Variants in DEPDC4 observed in about 807,000 individuals in gnomAD.
The protein encoded by DEPDC4 is DEP domain containing 4, also known as DEP domain-containing protein 4.
In DEPDC4, 52 loss-of-function variants were observed where a neutral mutation model predicts 52.0. The observed-to-expected ratio is 1.00, with a 90% CI of 0.80 to 1.26. The LOEUF is 1.26. Among genes scored for constraint, DEPDC4 ranks in the 50% most tolerant of loss-of-function variants. DEPDC4 has a pLI of 0.00. For synonymous variants in DEPDC4, 201 were observed against 196.8 expected (o/e 1.02, Z -0.18); for missense variants, 530 against 546.9 (o/e 0.97, Z 0.31).
chr12:100,261,286 T>C (rs2096252861), intron 3 of DEPDC4, among the ~76,000 whole-genome samples: 1 of 152,240 alleles, frequency 6.6e-6, no homozygotes, highest in South Asian at 2.1e-4. Flanking sequence ...TTAACTATTG[T>C]TGATAAATCA....
intron 8 of DEPDC4, among the ~76,000 whole-genome samples, chr12:100,244,871 T>A (rs1028825020): frequency 6.6e-6 from 1 of 151,082 alleles, no homozygotes; most frequent in African/African-American, 2.4e-5. Context: ...TATTTATTTA[T>A]TTATTTTATT....
chr12:100,257,975 TGATA>T (rs3054280), intron 3 of DEPDC4, among the ~76,000 whole-genome samples: 52,487 of 148,920 alleles, frequency 0.35, 9,507 homozygotes, highest in Middle Eastern at 0.43. Context: ...TAAAATGTAT[TGATA>T]GATAGATAGA....
the DEPDC4 span, among the ~76,000 whole-genome samples, chr12:100,279,969 C>T: frequency 6.6e-6 from 1 of 152,230 alleles, no homozygotes; most frequent in South Asian, 2.1e-4. Flanking sequence ...TCTACCTCCG[C>T]ATTCTTGAAT....
chr12:100,232,593 C>G (rs2096136272), intron 9 of DEPDC4, among the ~76,000 whole-genome samples: 1 of 151,640 alleles, frequency 6.6e-6, no homozygotes, highest in South Asian at 2.1e-4. Flanking sequence ...TTGAGAAACA[C>G]TGGCCTAAGG....
At chr12:100,234,010 G>T (rs1301032822) in intron 9 of DEPDC4, among the ~76,000 whole-genome samples, 1 of 152,138 alleles carries the variant, frequency 6.6e-6, no homozygotes, top group South Asian at 2.1e-4. Flanking sequence ...AGGAGGCTGA[G>T]GTGGGAGAAT....
At chr12:100,262,465 T>C in intron 2 of DEPDC4, 56 bp from the exon 3 acceptor site, 1 of 1,351,182 alleles carries the variant, frequency 7.4e-7, no homozygotes, top group Non-Finnish European at 9.8e-7. Flanking sequence ...AAATTTCAAA[T>C]ATATATTTAA....
At chr12:100,270,623 C>CTTTTTTTTTTTTTTT (rs559329533), upstream of DEPDC4, among the ~76,000 whole-genome samples, 2 of 125,690 alleles carry the variant, frequency 1.6e-5, no homozygotes, top group Non-Finnish European at 3.4e-5. Context: ...ATGTTGCTTT[C>CTTTTTTTTTTTTTTT]TTTTTTTTTT....
chr12:100,275,175 G>C, the DEPDC4 span, among the ~76,000 whole-genome samples: 1 of 151,776 alleles, frequency 6.6e-6, no homozygotes, highest in Admixed American at 6.6e-5. Flanking sequence ...AAATTTTCTA[G>C]TAGAAATACA....
upstream of DEPDC4, among the ~76,000 whole-genome samples, chr12:100,267,987 A>C (rs1228504257): frequency 6.6e-6 from 1 of 152,220 alleles, no homozygotes; most frequent in Non-Finnish European, 1.5e-5. Flanking sequence ...TTGTTTTTCT[A>C]AACGGGAGAA....
intron 2 of DEPDC4, among the ~76,000 whole-genome samples, chr12:100,262,730 A>G (rs2096258121): frequency 6.6e-6 from 1 of 152,222 alleles, no homozygotes; most frequent in Non-Finnish European, 1.5e-5. Flanking sequence ...TTTTCAAATT[A>G]GAAAGCATAT....
upstream of DEPDC4, among the ~76,000 whole-genome samples, chr12:100,271,260 C>CAAAAAAA (rs11354103): frequency 1.8e-4 from 15 of 83,306 alleles, no homozygotes; most frequent in African/African-American, 5.2e-4. Context: ...TGCAGAGCAG[C>CAAAAAAA]AAAAAAAAAA....
Position 100,263,604 on chromosome 12 carries a change from T to C in DEPDC4, c.447A>G (p.Glu149=), listed in dbSNP as rs1358299770. 6.2e-7 allele frequency: 1 copy of C among 1,614,132 alleles called. No homozygotes were observed. Among genetic ancestry groups the C allele is most frequent in the Non-Finnish European group, 8.5e-7 (1 of 1,180,008 alleles). ...KKLFKKEKEL[E]FEDSNISLYR... is the part of the protein sequence containing the mutation. ...AGAGACTAATGTTGGAATCTTCAAA[T>C]TCTAATTCCTTTTCTTTTTTGAAAA... is the stretch of plus-strand genomic sequence containing the variant. The change falls in exon 2 of 10, where the codon GAA becomes GAG. Residue 149 remains glutamate, a synonymous_variant. Transcript: ENST00000550587.
the DEPDC4 span, among the ~76,000 whole-genome samples, chr12:100,278,441 C>T: frequency 6.6e-6 from 1 of 152,016 alleles, no homozygotes; most frequent in African/African-American, 2.4e-5. Context: ...CTCAAGTGAT[C>T]CTCCCATCTC....
At chr12:100,236,137 G>C (rs1182470269), downstream of DEPDC4, among the ~76,000 whole-genome samples, 2 of 152,204 alleles carry the variant, frequency 1.3e-5, no homozygotes, top group African/African-American at 4.8e-5. Flanking sequence ...ATTGTGAATT[G>C]TGGTGCTATA....
At chr12:100,268,419 G>C (rs537513337), upstream of DEPDC4, among the ~76,000 whole-genome samples, 48 of 152,260 alleles carry the variant, frequency 3.2e-4, no homozygotes, top group African/African-American at 1.2e-3. Flanking sequence ...TTGGTTTGCT[G>C]TCTTATTCTT....
At chr12:100,244,852 T>G (rs1000061488) in intron 8 of DEPDC4, among the ~76,000 whole-genome samples, 9 of 150,574 alleles carry the variant, frequency 6.0e-5, no homozygotes, top group African/African-American at 2.2e-4. Flanking sequence ...CAACGTCCCA[T>G]GCTTATTTTA....
intron 8 of DEPDC4, among the ~76,000 whole-genome samples, chr12:100,246,123 GTTT>G (rs34475855): frequency 3.0e-5 from 4 of 135,422 alleles, no homozygotes; most frequent in African/African-American, 8.1e-5. Flanking sequence ...CTACGCCTGG[GTTT>G]TTTTTTTTTT....
Position 100,263,890 on chromosome 12 carries a change from C to A in DEPDC4, c.161G>T (p.Cys54Phe). The A allele has an allele frequency of 6.3e-7, 1 of 1,580,790 alleles. No homozygotes were observed. Among genetic ancestry groups the A allele is most frequent in the Non-Finnish European group, 8.6e-7 (1 of 1,165,494 alleles). ...DGFCRKRRTG[C>F]SGPFQATQLW... Reference sequence around the variant, plus strand: ...CTGAGTAGCTTGAAAAGGACCAGAGCATCCTGAAAAAAATTAAATATGCAT... The same window carrying A: ...CTGAGTAGCTTGAAAAGGACCAGAGAATCCTGAAAAAAATTAAATATGCAT... Residue 54 changes from cysteine to phenylalanine, a missense_variant, in exon 2 of 10, where the codon TGC becomes TTC. Cys to Phe is a radical substitution (Grantham distance 205, BLOSUM62 -2). Coordinates refer to ENST00000550587, the MANE Select transcript of DEPDC4 (RefSeq NM_001364818.2).
At chr12:100,271,308 A>ATCTT (rs1271788651), upstream of DEPDC4, among the ~76,000 whole-genome samples, 1 of 150,156 alleles carries the variant, frequency 6.7e-6, no homozygotes, top group Admixed American at 6.6e-5. Flanking sequence ...TCTTAAGATC[A>ATCTT]TCTTTCTTTA....
Sources: allele counts gnomAD v4.1 joint callset (sites outside exome capture counted in the v4.1 genomes callset), GRCh38; gene constraint gnomAD v4.1.1; transcripts MANE v1.5; gene names NCBI Gene and HGNC (gene_info 2026-07-23, HGNC 2026-07-21).